The following TRDN variants were observed in gnomAD, a reference collection of about 807,000 sequenced individuals.
TRDN encodes triadin, also known as triadin in skeletal muscle.
TRDN carries 161 observed loss-of-function variants against 149.7 expected under a neutral mutation model. The observed-to-expected ratio is 1.08, with a 90% confidence interval of 0.95 to 1.23. TRDN has a LOEUF of 1.23. Among genes scored for constraint, TRDN ranks in the 50% most tolerant of loss-of-function variants. TRDN has a pLI of 0.00. For missense variants in TRDN, 896 were observed against 823.5 expected (o/e 1.09, Z -1.08); for synonymous variants, 294 against 250.5 (o/e 1.17, Z -1.64).
intron 24 of TRDN, among the ~76,000 whole-genome samples, chr6:123,293,361 G>A (rs906963231): frequency 1.3e-5 from 2 of 152,212 alleles, no homozygotes; most frequent in South Asian, 4.1e-4. Flanking sequence ...GCACAAATGA[G>A]TTTATCATTT....
intron 4 of TRDN, among the ~76,000 whole-genome samples, chr6:123,538,126 G>C (rs574700587): frequency 4.6e-5 from 7 of 151,962 alleles, no homozygotes; most frequent in African/African-American, 1.2e-4. Context: ...TTATTATAAG[G>C]GTTGTGTATT....
intron 38 of TRDN, among the ~76,000 whole-genome samples, chr6:123,251,851 G>A (rs1455117296): frequency 6.6e-6 from 1 of 151,816 alleles, no homozygotes; most frequent in Non-Finnish European, 1.5e-5. Context: ...TATACTATAG[G>A]AGATACATCC....
chr6:123,476,928 TA>T (rs1452694094), intron 9 of TRDN, among the ~76,000 whole-genome samples: 1 of 149,344 alleles, frequency 6.7e-6, no homozygotes, highest in Non-Finnish European at 1.5e-5. Flanking sequence ...ATTAAAGACT[TA>T]AACGTTAGAC....
intron 12 of TRDN, among the ~76,000 whole-genome samples, chr6:123,400,721 C>G (rs1772931284): frequency 6.6e-6 from 1 of 152,098 alleles, no homozygotes; most frequent in Non-Finnish European, 1.5e-5. Context: ...TGTCATAGAA[C>G]AGTATGATCT....
At chr6:123,384,741 A>G (rs1424950171) in intron 14 of TRDN, among the ~76,000 whole-genome samples, 1 of 152,224 alleles carries the variant, frequency 6.6e-6, no homozygotes, top group African/African-American at 2.4e-5. Context: ...AAATGTCATG[A>G]TAAAGTTATG....
chr6:123,373,384 T>C (rs771933526), intron 19 of TRDN, among the ~76,000 whole-genome samples: 14 of 152,186 alleles, frequency 9.2e-5, no homozygotes, highest in Admixed American at 6.5e-5. Flanking sequence ...TCCCTGGCCA[T>C]GTGGGGCTGT....
rs564871094 is a variant in TRDN at position 123,311,290 on chromosome 6, A to G, written c.1510+5167T>C. ...CATGAGAACTTACTATCATGAGAAT[A>G]GCATGGGGGAAATCGCCCCCATGAT... On this transcript the variant is annotated intron_variant, in intron 24 of 40. Coordinates refer to ENST00000334268, the MANE Select transcript of TRDN (RefSeq NM_006073.4). Among the ~76,000 whole-genome samples, 15 of 152,056 alleles carry G rather than the reference A, an allele frequency of 9.9e-5. No homozygotes were observed. The South Asian group carries it at 3.1e-3, about 32-fold the overall frequency.
intron 35 of TRDN, among the ~76,000 whole-genome samples, chr6:123,257,077 T>A (rs975239928): frequency 6.6e-6 from 1 of 151,846 alleles, no homozygotes; most frequent in Non-Finnish European, 1.5e-5. Flanking sequence ...GCCTCTCAGG[T>A]TCAAGTGATT....
chr6:123,558,932 C>T (rs1379163695), intron 2 of TRDN, among the ~76,000 whole-genome samples: 1 of 152,258 alleles, frequency 6.6e-6, no homozygotes. Context: ...GAAATCCGGC[C>T]ACTGGGCCAA....
At chr6:123,584,679 G>T (rs1783345963) in intron 1 of TRDN, among the ~76,000 whole-genome samples, 1 of 152,150 alleles carries the variant, frequency 6.6e-6, no homozygotes, top group African/African-American at 2.4e-5. Context: ...TACAGCCTAG[G>T]TAATTTGCTG....
chr6:123,372,019 T>A (rs1781344468), intron 19 of TRDN, among the ~76,000 whole-genome samples: 1 of 152,190 alleles, frequency 6.6e-6, no homozygotes, highest in African/African-American at 2.4e-5. Context: ...CTGTTCTAAC[T>A]GACTAAGATC....
intron 2 of TRDN, among the ~76,000 whole-genome samples, chr6:123,564,569 T>C (rs962603718): frequency 4.6e-5 from 7 of 152,218 alleles, no homozygotes; most frequent in Admixed American, 2.6e-4. Flanking sequence ...GGAAAATTAA[T>C]TTCCAAGAGC....
At chr6:123,614,496 A>G (rs897332892) in intron 1 of TRDN, among the ~76,000 whole-genome samples, 3 of 151,518 alleles carry the variant, frequency 2.0e-5, no homozygotes, top group Non-Finnish European at 4.4e-5. Context: ...TTAGAAAATT[A>G]TTTTTAATTA....
chr6:123,595,275 C>T (rs1237223399), intron 1 of TRDN, among the ~76,000 whole-genome samples: 1 of 151,802 alleles, frequency 6.6e-6, no homozygotes, highest in Non-Finnish European at 1.5e-5. Context: ...TTTTACAAAC[C>T]TCATCATTCT....
In TRDN at chr6:123,266,446, AGAT is replaced by A. The variant is rs1442673919; in HGVS notation, c.1784-1111_1784-1109del. On this transcript the variant is annotated intron_variant, in intron 32 of 40. Coordinates refer to ENST00000334268, the MANE Select transcript of TRDN (RefSeq NM_006073.4). Reference sequence around the variant, plus strand: ...ATGATATGTATTATATATAATATATAGATTATGATATGTATTATATATAATATA... The same window carrying A: ...ATGATATGTATTATATATAATATATATATGATATGTATTATATATAATATA... 2.4e-5 allele frequency among the ~76,000 whole-genome samples: 2 copies of A among 83,554 alleles called. 1 individual carries two copies. The highest frequency in any genetic ancestry group is 3.7e-5 in the Non-Finnish European group (2 of 54,542). 54.8% of individuals were successfully genotyped at this position (83,554 alleles called of 152,430 possible). A position where few individuals can be genotyped will look rare whatever the true frequency, so the allele number is the denominator to read the frequency against.
At chr6:123,312,889 T>A (rs572236782) in intron 24 of TRDN, among the ~76,000 whole-genome samples, 129 of 152,140 alleles carry the variant, frequency 8.5e-4, no homozygotes, top group Middle Eastern at 6.8e-3. Flanking sequence ...GTAAATTTTA[T>A]ATCACTAAGC....
chr6:123,272,923 T>C, intron 29 of TRDN, 41 bp downstream of exon 29: 1 of 1,373,494 alleles, frequency 7.3e-7, no homozygotes, highest in South Asian at 1.4e-5. Flanking sequence ...ATTAGAACAT[T>C]GAGAGGTTAT....
chr6:123,571,021 C>G lies in TRDN; in HGVS notation c.134G>C (p.Ser45Thr). Reference sequence around the variant, plus strand: ...GACCAGAAGCCAGGCTGCAGGGGAGCTGAACGTCGTCACTATGTCTTCTGT... The same window carrying G: ...GACCAGAAGCCAGGCTGCAGGGGAGGTGAACGTCGTCACTATGTCTTCTGT... ...TVTEDIVTTF[S>T]SPAAWLLVIA... Residue 45 changes from serine (S) to threonine (T), a missense_variant, in exon 2 of 41, where the codon AGC (serine) becomes ACC (threonine). Physicochemically the swap from Ser to Thr is moderately conservative, Grantham distance 58. Coordinates refer to ENST00000334268, the MANE Select transcript of TRDN (RefSeq NM_006073.4). The G allele has an allele frequency of 6.2e-7, 1 of 1,613,992 alleles. No homozygotes were observed. The highest frequency in any genetic ancestry group is 8.5e-7 in the Non-Finnish European group (1 of 1,179,864).
At chr6:123,501,008 C>A (rs1005877632) in intron 8 of TRDN, among the ~76,000 whole-genome samples, 1 of 151,952 alleles carries the variant, frequency 6.6e-6, no homozygotes, top group Non-Finnish European at 1.5e-5. Context: ...CCAACTCTTC[C>A]TACTCTACAA....
Sources: allele counts gnomAD v4.1 joint callset (sites outside exome capture counted in the v4.1 genomes callset), GRCh38; gene constraint gnomAD v4.1.1; transcripts MANE v1.5; gene names NCBI Gene and HGNC (gene_info 2026-07-23, HGNC 2026-07-21).